Variants in RPS6KA2 observed in about 807,000 individuals in gnomAD.
RPS6KA2 encodes ribosomal protein S6 kinase alpha-2.
RPS6KA2 carries 42 observed loss-of-function variants against 91.8 expected under a neutral mutation model. The observed-to-expected ratio is 0.46, with a 90% CI of 0.36 to 0.59. The LOEUF (loss-of-function observed/expected upper bound fraction) is 0.59. Among genes scored for constraint, RPS6KA2 ranks in the 20% least tolerant of loss-of-function variants. RPS6KA2 has a pLI of 0.00. For synonymous variants in RPS6KA2, 414 were observed against 393.6 expected, an observed-to-expected ratio of 1.05 and a Z score of -0.61; for missense variants, 798 against 978.5, an observed-to-expected ratio of 0.82 and a Z score of 2.46.
At chr6:166,415,319 C>CTTTTTTTTTAATA (rs1778461947) in intron 19 of RPS6KA2, among the ~76,000 whole-genome samples, 1 of 152,142 alleles carries the variant, frequency 6.6e-6, no homozygotes, top group African/African-American at 2.4e-5. Context: ...TAACTCTTTT[C>CTTTTTTTTTAATA]ACGATCTTAT....
intron 1 of RPS6KA2, among the ~76,000 whole-genome samples, chr6:166,562,925 C>T (rs1402979989): frequency 6.6e-6 from 1 of 152,186 alleles, no homozygotes; most frequent in Non-Finnish European, 1.5e-5. Flanking sequence ...GGCAGGATGA[C>T]TGGGGCAGAA....
At chr6:166,467,045 CACTCACTCATTG>C (rs1239691623) in intron 11 of RPS6KA2, among the ~76,000 whole-genome samples, 1 of 152,066 alleles carries the variant, frequency 6.6e-6, no homozygotes, top group Non-Finnish European at 1.5e-5. Context: ...CTCACTCATT[CACTCACTCATTG>C]ACTCACTGAC....
At chr6:166,649,956 T>C (rs550202187) in intron 2 of RPS6KA2, among the ~76,000 whole-genome samples, 1 of 152,220 alleles carries the variant, frequency 6.6e-6, no homozygotes, top group Non-Finnish European at 1.5e-5. Flanking sequence ...TAGTGGGTCA[T>C]TGCGGAGGGT....
chr6:166,676,432 CCGG>C (rs1788622271), intron 2 of RPS6KA2, among the ~76,000 whole-genome samples: 1 of 152,204 alleles, frequency 6.6e-6, no homozygotes, highest in South Asian at 2.1e-4. Flanking sequence ...GAAAGTGTGG[CCGG>C]TTGATCTCCG....
intron 1 of RPS6KA2, among the ~76,000 whole-genome samples, chr6:166,580,958 G>A (rs748260454): frequency 7.2e-5 from 11 of 152,138 alleles, no homozygotes; most frequent in Non-Finnish European, 1.3e-4. Flanking sequence ...CTGGAATGCA[G>A]TGGCGCAATC....
chr6:166,538,616 T>A, intron 2 of RPS6KA2, 52 bp downstream of exon 2: 1 of 1,021,440 alleles, frequency 9.8e-7, no homozygotes, highest in Non-Finnish European at 1.6e-6. Flanking sequence ...TCTGTCCAGG[T>A]GTCCTTTGTG....
rs1562584164 is a variant in RPS6KA2 at position 166,567,061 on chromosome 6, A to G, written c.100-28277T>C. ...GCTTCCAGAATGGGTCACATGAATT[A>G]ATGGCAAAAAACAATCCATGATGAG... On this transcript the variant is annotated intron_variant, in intron 1 of 20. Transcript: ENST00000265678. Among the ~76,000 whole-genome samples the G allele has an allele frequency of 2.0e-5, 3 of 152,222 alleles. No homozygotes were observed. The South Asian group carries it at 6.2e-4, about 31-fold the overall frequency.
At chr6:166,534,082 C>T (rs554188576) in intron 2 of RPS6KA2, among the ~76,000 whole-genome samples, 8 of 151,976 alleles carry the variant, frequency 5.3e-5, no homozygotes, top group Admixed American at 2.0e-4. Flanking sequence ...ATTAGCCAGG[C>T]GCTGTGGCAG....
At chr6:166,461,820 C>T (rs1780320071) in intron 11 of RPS6KA2, among the ~76,000 whole-genome samples, 1 of 152,254 alleles carries the variant, frequency 6.6e-6, no homozygotes, top group African/African-American at 2.4e-5. Flanking sequence ...CGTGCCAGCT[C>T]TTCCTCCATC....
Position 166,433,374 on chromosome 6 carries a change from G to A in RPS6KA2, c.1333-884C>T, listed in dbSNP as rs1779201073. The stretch of plus-strand genomic sequence containing the variant: ...CCCATGGAGACATATGGTTTCTGAG[G>A]ACAGGGTGTTGGGATTTAAGCCTAC... On this transcript the variant is annotated intron_variant, in intron 14 of 20. Coordinates refer to ENST00000265678, the MANE Select transcript of RPS6KA2 (RefSeq NM_021135.6). This position sits in a 1 kb window ranked among gnomAD's most constrained non-coding sequence, Gnocchi z 4.4. 6.6e-6 allele frequency among the ~76,000 whole-genome samples: 1 copy of A among 152,168 alleles called. No homozygotes were observed. Among genetic ancestry groups the A allele is most frequent in the Non-Finnish European group, 1.5e-5 (1 of 68,038 alleles).
At chr6:166,743,222 C>T (rs1790869476) in intron 2 of RPS6KA2, among the ~76,000 whole-genome samples, 1 of 152,214 alleles carries the variant, frequency 6.6e-6, no homozygotes, top group Non-Finnish European at 1.5e-5. Flanking sequence ...ACAAAGGAAA[C>T]TTCACAGCTC....
At chr6:166,499,311 C>G (rs1010912802) in intron 7 of RPS6KA2, among the ~76,000 whole-genome samples, 4 of 152,194 alleles carry the variant, frequency 2.6e-5, no homozygotes, top group Non-Finnish European at 4.4e-5. Context: ...CTAAATAGAG[C>G]CAAGGCAGGC....
At position 166,559,572 on chromosome 6, in the gene RPS6KA2, GGTGA is replaced by G. The variant is rs371157274; in HGVS notation, c.100-20792_100-20789del. Among the ~76,000 whole-genome samples the G allele has an allele frequency of 1.1e-3, 169 of 152,286 alleles. 1 individual carries two copies. Among genetic ancestry groups the G allele is most frequent in the African/African-American group, 3.9e-3 (162 of 41,560 alleles). On this transcript the variant is annotated intron_variant, in intron 1 of 20. Transcript: ENST00000265678. ...TGTCCAAAGACATCCCCAGTGGACT[GGTGA>G]GTAAGTTTCAGTAACTTGTATGAGT...
intron 1 of RPS6KA2, among the ~76,000 whole-genome samples, chr6:166,565,382 C>A (rs1784465876): frequency 6.6e-6 from 1 of 152,256 alleles, no homozygotes. Flanking sequence ...TCGGGACTGA[C>A]TGAGCTCATC....
chr6:166,806,121 C>T (rs981799179), intron 2 of RPS6KA2, among the ~76,000 whole-genome samples: 6 of 152,054 alleles, frequency 3.9e-5, no homozygotes, highest in African/African-American at 1.4e-4. Flanking sequence ...GTCTAAGGTA[C>T]CTGTGGAACA....
At chr6:166,587,044 C>T (rs1055283101) in intron 1 of RPS6KA2, among the ~76,000 whole-genome samples, 5 of 152,348 alleles carry the variant, frequency 3.3e-5, no homozygotes, top group African/African-American at 1.2e-4. Flanking sequence ...AACTGCAGGC[C>T]CTTAGGGCTG....
At chr6:166,789,492 G>C (rs1779025450) in intron 2 of RPS6KA2, among the ~76,000 whole-genome samples, 1 of 152,236 alleles carries the variant, frequency 6.6e-6, no homozygotes, top group Admixed American at 6.5e-5. Flanking sequence ...AAATGTCCCT[G>C]TCTGACAGCT....
chr6:166,502,078 CA>C (rs1782047868), intron 6 of RPS6KA2, among the ~76,000 whole-genome samples: 1 of 152,072 alleles, frequency 6.6e-6, no homozygotes, highest in Non-Finnish European at 1.5e-5. Flanking sequence ...AGCTACTGTG[CA>C]GGGGGACAGA....
chr6:166,531,829 T>C (rs943988273), intron 2 of RPS6KA2, among the ~76,000 whole-genome samples: 1 of 152,230 alleles, frequency 6.6e-6, no homozygotes, highest in Admixed American at 6.5e-5. Flanking sequence ...TTAAATACAC[T>C]TACGGATATT....
Sources: gnomAD v4.1 joint callset for allele counts (sites outside exome capture counted in the v4.1 genomes callset) on GRCh38, gnomAD v4.1.1 for gene constraint, Gnocchi (gnomAD v3.1) non-coding constraint, MANE v1.5 for transcripts, NCBI Gene and HGNC (gene_info 2026-07-23, HGNC 2026-07-21) for gene names.